Variants in PDE3B observed in about 807,000 individuals in gnomAD.
PDE3B encodes phosphodiesterase 3B, also known as cGMP-inhibited 3',5'-cyclic phosphodiesterase 3B.
PDE3B carries 66 observed loss-of-function variants against 116.8 expected under a neutral mutation model. That is an observed-to-expected ratio of 0.56 (90% CI 0.46 to 0.69). PDE3B has a LOEUF of 0.69. PDE3B is among the 30% of genes least tolerant of loss of function. The pLI is 0.00. For synonymous variants in PDE3B, 595 were observed against 533.6 expected, an observed-to-expected ratio of 1.12 and a Z score of -1.59; for missense variants, 1,384 against 1,368.1, an observed-to-expected ratio of 1.01 and a Z score of -0.18.
At chr11:14,868,873 A>G (rs897970822) in intron 15 of PDE3B, among the ~76,000 whole-genome samples, 3 of 152,084 alleles carry the variant, frequency 2.0e-5, no homozygotes, top group Non-Finnish European at 2.9e-5. Flanking sequence ...ATACAAAAAT[A>G]TGCTGGAAAT....
chr11:14,765,133 T>C (rs1368983106), intron 1 of PDE3B, among the ~76,000 whole-genome samples: 3 of 152,014 alleles, frequency 2.0e-5, no homozygotes, highest in Non-Finnish European at 2.9e-5. Context: ...TTCATTAGCA[T>C]AGATTTATAT....
At chr11:14,665,033 T>A (rs1010222803) in intron 1 of PDE3B, among the ~76,000 whole-genome samples, 28 of 152,020 alleles carry the variant, frequency 1.8e-4, no homozygotes, top group Non-Finnish European at 3.2e-4. Flanking sequence ...ATACTGGCAA[T>A]CCGAATCCAG....
intron 1 of PDE3B, among the ~76,000 whole-genome samples, chr11:14,721,698 C>T (rs1218909587): frequency 1.1e-5 from 1 of 94,134 alleles, no homozygotes; most frequent in African/African-American, 4.5e-5. Flanking sequence ...ACCGCATATT[C>T]TCACTCATAG....
chr11:14,896,471 A>G, the PDE3B span, among the ~76,000 whole-genome samples: 1 of 152,234 alleles, frequency 6.6e-6, no homozygotes, highest in Non-Finnish European at 1.5e-5. Flanking sequence ...TGCCAACACC[A>G]GTCAAATAAT....
intron 2 of PDE3B, among the ~76,000 whole-genome samples, chr11:14,781,610 G>A (rs994055563): frequency 1.3e-5 from 2 of 152,096 alleles, no homozygotes; most frequent in African/African-American, 4.8e-5. Flanking sequence ...AAATTCAGCA[G>A]CCCTTCATGC....
At chr11:14,821,061 A>G (rs1051888877) in intron 7 of PDE3B, among the ~76,000 whole-genome samples, 2 of 152,216 alleles carry the variant, frequency 1.3e-5, no homozygotes, top group South Asian at 4.1e-4. Flanking sequence ...GAGGACTTTG[A>G]TGAGATTGCA....
chr11:14,732,531 G>C (rs1249165692), intron 1 of PDE3B, among the ~76,000 whole-genome samples: 2 of 152,006 alleles, frequency 1.3e-5, no homozygotes, highest in African/African-American at 4.8e-5. Flanking sequence ...TTTTTTCATG[G>C]TTAAACAACA....
chr11:14,686,978 G>A (rs1854897325), intron 1 of PDE3B, among the ~76,000 whole-genome samples: 1 of 152,084 alleles, frequency 6.6e-6, no homozygotes, highest in African/African-American at 2.4e-5. Flanking sequence ...CTTCCAAAGT[G>A]CTGGGATTAC....
intron 1 of PDE3B, among the ~76,000 whole-genome samples, chr11:14,670,897 C>G (rs181462692): frequency 7.0e-4 from 106 of 150,638 alleles, no homozygotes; most frequent in African/African-American, 2.5e-3. Context: ...TTTCAAGAGA[C>G]AGAGTCTCAC....
chr11:14,783,231 C>A (rs903094686), intron 2 of PDE3B, among the ~76,000 whole-genome samples: 2 of 152,202 alleles, frequency 1.3e-5, no homozygotes, highest in East Asian at 3.8e-4. Context: ...ACTAGAAATA[C>A]CATTTGACCC....
At chr11:14,759,101 C>G (rs893470664) in intron 1 of PDE3B, among the ~76,000 whole-genome samples, 2 of 152,136 alleles carry the variant, frequency 1.3e-5, no homozygotes, top group African/African-American at 4.8e-5. Context: ...ACCAGCCTTG[C>G]ATCCCAGGGA....
chr11:14,750,224 T>C (rs1857021951), intron 1 of PDE3B, among the ~76,000 whole-genome samples: 1 of 151,994 alleles, frequency 6.6e-6, no homozygotes, highest in Non-Finnish European at 1.5e-5. Context: ...AATACCCTCC[T>C]AGATACATAC....
At chr11:14,685,895 C>T (rs950697381) in intron 1 of PDE3B, among the ~76,000 whole-genome samples, 3 of 152,158 alleles carry the variant, frequency 2.0e-5, no homozygotes, top group African/African-American at 4.8e-5. Flanking sequence ...GGAGTTTTGG[C>T]TGTGAAACAG....
At chr11:14,783,158 G>A (rs933370299) in intron 2 of PDE3B, among the ~76,000 whole-genome samples, 17 of 152,354 alleles carry the variant, frequency 1.1e-4, no homozygotes, top group South Asian at 4.1e-4. Flanking sequence ...TACACTGTTG[G>A]TGGGACTGTA....
intron 1 of PDE3B, among the ~76,000 whole-genome samples, chr11:14,731,086 T>A (rs1002629770): frequency 6.6e-6 from 1 of 152,132 alleles, no homozygotes; most frequent in Non-Finnish European, 1.5e-5. Flanking sequence ...AGATGTCTAA[T>A]TTTTTAACTT....
intron 10 of PDE3B, among the ~76,000 whole-genome samples, chr11:14,833,903 A>G (rs1859975593): frequency 6.6e-6 from 1 of 152,212 alleles, no homozygotes; most frequent in South Asian, 2.1e-4. Context: ...AAATGGAACG[A>G]AAAGAAAGAG....
intron 12 of PDE3B, among the ~76,000 whole-genome samples, chr11:14,853,203 A>G (rs1233866278): frequency 1.3e-5 from 2 of 152,008 alleles, no homozygotes; most frequent in African/African-American, 2.4e-5. Flanking sequence ...TTATACCATT[A>G]TGCTCCTTCT....
At chr11:14,767,405 A>G (rs1857525980) in intron 1 of PDE3B, among the ~76,000 whole-genome samples, 1 of 151,410 alleles carries the variant, frequency 6.6e-6, no homozygotes, top group Non-Finnish European at 1.5e-5. Flanking sequence ...ACAGATTTAT[A>G]TTGTTTGCAT....
At chr11:14,840,794 G>A (rs1489688681) in intron 11 of PDE3B, among the ~76,000 whole-genome samples, 3 of 152,218 alleles carry the variant, frequency 2.0e-5, no homozygotes, top group East Asian at 3.8e-4. Context: ...GATCTGTACT[G>A]ATTTATGATC....
Sources: allele counts gnomAD v4.1 joint callset (sites outside exome capture counted in the v4.1 genomes callset), GRCh38; gene constraint gnomAD v4.1.1; transcripts MANE v1.5; gene names NCBI Gene and HGNC (gene_info 2026-07-23, HGNC 2026-07-21).